SNX9: variants seen among roughly 807,000 people sequenced by gnomAD.
The protein encoded by SNX9 is sorting nexin-9.
Under a neutral mutation model 89.4 loss-of-function variants are expected in SNX9, and 44 were observed. The ratio of observed to expected loss-of-function variants is 0.49; its 90% CI spans 0.39 to 0.63. The LOEUF (loss-of-function observed/expected upper bound fraction) is 0.63. SNX9 is among the 30% of genes least tolerant of loss of function. SNX9 has a pLI of 0.00. For synonymous variants in SNX9, 236 were observed against 247.8 expected (o/e 0.95, Z 0.45); for missense variants, 578 against 736.1 (o/e 0.79, Z 2.49).
At chr6:157,918,842 TAAAG>T (rs1320548960) in intron 9 of SNX9, among the ~76,000 whole-genome samples, 1 of 152,080 alleles carries the variant, frequency 6.6e-6, no homozygotes, top group East Asian at 1.9e-4. Context: ...TCCAGTAAAA[TAAAG>T]AAATTTTTCT....
chr6:157,936,252 C>T (rs1478462856), intron 14 of SNX9, among the ~76,000 whole-genome samples: 4 of 152,206 alleles, frequency 2.6e-5, no homozygotes, highest in Non-Finnish European at 5.9e-5. Context: ...ATAGGCCAGG[C>T]ACAGTGGCTC....
chr6:157,855,521 C>T (rs1781992756), intron 1 of SNX9, among the ~76,000 whole-genome samples: 1 of 152,188 alleles, frequency 6.6e-6, no homozygotes, highest in Non-Finnish European at 1.5e-5. Context: ...ATGCCCTTAC[C>T]AGCATGGTGT....
chr6:157,867,300 T>C (rs924929321), intron 1 of SNX9, among the ~76,000 whole-genome samples: 2 of 152,124 alleles, frequency 1.3e-5, no homozygotes, highest in South Asian at 4.1e-4. Context: ...GATCTCTAAA[T>C]GCAATGTGGG....
intron 1 of SNX9, among the ~76,000 whole-genome samples, chr6:157,856,857 C>T (rs2115125837): frequency 6.6e-6 from 1 of 151,712 alleles, no homozygotes; most frequent in Non-Finnish European, 1.5e-5. Flanking sequence ...TGTATTCCAT[C>T]AGAAGGCAAG....
At chr6:157,919,842 C>A (rs1362332174) in intron 9 of SNX9, among the ~76,000 whole-genome samples, 2 of 152,122 alleles carry the variant, frequency 1.3e-5, no homozygotes, top group Non-Finnish European at 2.9e-5. Context: ...TTTAGCAACT[C>A]CAGATTCTGA....
At chr6:157,941,896 C>A (rs1784043765) in intron 17 of SNX9, among the ~76,000 whole-genome samples, 1 of 152,258 alleles carries the variant, frequency 6.6e-6, no homozygotes. Context: ...GGGCCCTATG[C>A]TCTTTAAATG....
intron 5 of SNX9, among the ~76,000 whole-genome samples, chr6:157,897,218 C>A (rs1254329943): frequency 6.6e-6 from 1 of 152,182 alleles, no homozygotes; most frequent in East Asian, 1.9e-4. Context: ...GGAGTCAGAT[C>A]AAGGGGGTTC....
At chr6:157,892,579 G>A (rs1158496176) in intron 4 of SNX9, 3 of 152,088 alleles carry the variant, frequency 2.0e-5, no homozygotes, top group African/African-American at 7.2e-5. Context: ...TAGTATGACA[G>A]TTACTACACA....
At chr6:157,893,813 TTTTAG>T (rs1478776106) in intron 4 of SNX9, among the ~76,000 whole-genome samples, 1 of 152,176 alleles carries the variant, frequency 6.6e-6, no homozygotes, top group Non-Finnish European at 1.5e-5. Context: ...GTTCAGATTG[TTTTAG>T]TTTAAATATT....
chr6:157,834,728 T>C (rs886922902), intron 1 of SNX9, among the ~76,000 whole-genome samples: 2 of 152,164 alleles, frequency 1.3e-5, no homozygotes, highest in Admixed American at 1.3e-4. Flanking sequence ...GTTCTATCCA[T>C]GGCTGCACAC....
intron 7 of SNX9, among the ~76,000 whole-genome samples, chr6:157,909,159 G>C (rs1249129776): frequency 2.0e-5 from 3 of 152,122 alleles, no homozygotes; most frequent in Non-Finnish European, 4.4e-5. Flanking sequence ...ATGGTCCACA[G>C]ACCACTTGCC....
At chr6:157,834,512 AT>A (rs199732929) in intron 1 of SNX9, among the ~76,000 whole-genome samples, 4 of 141,622 alleles carry the variant, frequency 2.8e-5, no homozygotes, top group East Asian at 3.9e-4. Flanking sequence ...CCCCCGGCCA[AT>A]TTTTTAAATT....
In SNX9 at chr6:157,847,196, G is replaced by C. The variant is rs546591626; in HGVS notation, c.13-20351G>C. On this transcript the variant is annotated intron_variant, in intron 1 of 17. Coordinates refer to ENST00000392185, the MANE Select transcript of SNX9 (RefSeq NM_016224.5). ...CAGCTCACTGCAGCTTCCACCTCTT[G>C]GGCTCAGGTGATCCTCCTACCTCAG... Among the ~76,000 whole-genome samples the C allele has an allele frequency of 1.3e-3, 197 of 152,124 alleles. 8 individuals are homozygous for C. In the South Asian group the frequency reaches 0.038, roughly 30 times the overall value.
intron 10 of SNX9, among the ~76,000 whole-genome samples, chr6:157,926,756 A>G (rs1370848650): frequency 2.0e-5 from 3 of 147,068 alleles, no homozygotes; most frequent in Non-Finnish European, 3.0e-5. Context: ...ACTCCAGCCT[A>G]GAAGGCAAAG....
intron 2 of SNX9, among the ~76,000 whole-genome samples, chr6:157,870,586 C>T (rs1782382867): frequency 6.9e-6 from 1 of 145,552 alleles, no homozygotes; most frequent in African/African-American, 2.6e-5. Flanking sequence ...CTCACCCGTG[C>T]AAGCACACAC....
chr6:157,935,528 G>GA (rs1195506467), intron 13 of SNX9, among the ~76,000 whole-genome samples: 3 of 151,958 alleles, frequency 2.0e-5, no homozygotes, highest in Non-Finnish European at 4.4e-5. Flanking sequence ...AAGGTGCAGG[G>GA]AAAAAAGGGG....
chr6:157,833,204 TAAG>T (rs1165683503), intron 1 of SNX9, among the ~76,000 whole-genome samples: 4 of 152,326 alleles, frequency 2.6e-5, no homozygotes, highest in East Asian at 3.9e-4. Flanking sequence ...TGGCTGCACA[TAAG>T]AAGTTTTTTT....
At chr6:157,847,358 C>T (rs1781824983) in intron 1 of SNX9, among the ~76,000 whole-genome samples, 1 of 152,290 alleles carries the variant, frequency 6.6e-6, no homozygotes, top group South Asian at 2.1e-4. Context: ...CCACCTCCAC[C>T]TCCCAAAATG....
chr6:157,873,365 C>T (rs1355650911), intron 3 of SNX9, among the ~76,000 whole-genome samples, 189 bp downstream of exon 3: 2 of 150,306 alleles, frequency 1.3e-5, no homozygotes, highest in Non-Finnish European at 3.0e-5. Context: ...ACCTGTAGAC[C>T]CAAGCTTCAA....
Sources: allele counts gnomAD v4.1 joint callset (sites outside exome capture counted in the v4.1 genomes callset), GRCh38; gene constraint gnomAD v4.1.1; transcripts MANE v1.5; gene names NCBI Gene and HGNC (gene_info 2026-07-23, HGNC 2026-07-21).